The following OPN3 variants were observed in gnomAD, a reference collection of about 807,000 sequenced individuals.
OPN3 encodes opsin 3.
OPN3 carries 29 observed loss-of-function variants against 33.8 expected under a neutral mutation model. That is an observed-to-expected ratio of 0.86 (90% CI 0.64 to 1.17). The LOEUF is 1.17. Ranked by LOEUF, OPN3 falls within the 50% of genes most tolerant of loss-of-function variation. The pLI, the probability that OPN3 is intolerant of heterozygous loss-of-function variation, is 0.00. For synonymous variants in OPN3, 216 were observed against 216.1 expected, an observed-to-expected ratio of 1.00 and a Z score of 0.00; for missense variants, 437 against 514.1, an observed-to-expected ratio of 0.85 and a Z score of 1.45.
intron 1 of OPN3, among the ~76,000 whole-genome samples, chr1:241,615,003 C>T (rs1664088631): frequency 6.6e-6 from 1 of 152,200 alleles, no homozygotes; most frequent in Non-Finnish European, 1.5e-5. Flanking sequence ...ACTTATGCCT[C>T]TGCTCGTCAG....
chr1:241,640,026 G>A lies in OPN3; in HGVS notation c.229C>T (p.His77Tyr), dbSNP rs149732403. 1.2e-4 allele frequency: 190 copies of A among 1,613,354 alleles called. No individual in the cohort carries two copies. The highest frequency in any genetic ancestry group is 1.5e-4 in the Non-Finnish European group (177 of 1,179,728). The stretch of plus-strand genomic sequence containing the variant: ...AGGCTGATGTTGACCAGGAGGAGGT[G>A]AGTGGGAGTGCGGAGCCGCTGGAAC... ...YKFQRLRTPT[H>Y]LLLVNISLSD... The change falls in exon 1 of 4, where the codon CAC becomes TAC. Residue 77 changes from histidine (H) to tyrosine (Y), a missense_variant. Transcript: ENST00000366554.
intron 1 of OPN3, among the ~76,000 whole-genome samples, chr1:241,616,758 C>T (rs910533051): frequency 2.0e-5 from 3 of 152,116 alleles, no homozygotes; most frequent in Non-Finnish European, 2.9e-5. Context: ...GAAATAGCCA[C>T]AGTTGACATT....
At chr1:241,617,553 G>A (rs978171269) in intron 1 of OPN3, among the ~76,000 whole-genome samples, 2 of 152,210 alleles carry the variant, frequency 1.3e-5, no homozygotes, top group Admixed American at 1.3e-4. Context: ...TCAGGGTTTA[G>A]GTTTTAGAGC....
intron 2 of OPN3, 38 bp downstream of exon 2, chr1:241,604,222 G>A (rs369211628): frequency 1.3e-6 from 2 of 1,569,750 alleles, no homozygotes; most frequent in African/African-American, 1.4e-5. Flanking sequence ...TACCCTGGAT[G>A]TGGTTTGGGA....
At chr1:241,620,675 C>T (rs1348078942) in intron 1 of OPN3, among the ~76,000 whole-genome samples, 1 of 152,116 alleles carries the variant, frequency 6.6e-6, no homozygotes, top group African/African-American at 2.4e-5. Flanking sequence ...TGAACTAACA[C>T]ATTAATATAT....
chr1:241,629,796 TTAA>T (rs1573965165), intron 1 of OPN3: 3 of 152,124 alleles, frequency 2.0e-5, no homozygotes, highest in African/African-American at 7.2e-5. Flanking sequence ...CCAGCAGTTA[TTAA>T]TATTTCTTTC....
At chr1:241,630,759 C>T (rs1270509055) in intron 1 of OPN3, 1 of 151,806 alleles carries the variant, frequency 6.6e-6, no homozygotes, top group Non-Finnish European at 1.5e-5. Flanking sequence ...TAAATCATTG[C>T]CAGAGAAATA....
intron 1 of OPN3, among the ~76,000 whole-genome samples, chr1:241,622,768 T>C (rs1255463384): frequency 6.6e-6 from 1 of 152,240 alleles, no homozygotes; most frequent in Non-Finnish European, 1.5e-5. Flanking sequence ...CTGCATCATG[T>C]GCTATTTCTA....
intron 1 of OPN3, among the ~76,000 whole-genome samples, chr1:241,609,919 G>T (rs1663944701): frequency 6.6e-6 from 1 of 152,188 alleles, no homozygotes; most frequent in Non-Finnish European, 1.5e-5. Context: ...GTCCACAGCA[G>T]GGATAGTCCA....
chr1:241,598,337 G>A (rs917043178), intron 2 of OPN3, among the ~76,000 whole-genome samples: 5 of 152,042 alleles, frequency 3.3e-5, no homozygotes, highest in Admixed American at 3.3e-4. Context: ...AGAGAGTCAC[G>A]ATAAAATGCA....
chr1:241,621,622 G>C (rs898654112), intron 1 of OPN3, among the ~76,000 whole-genome samples: 1 of 152,080 alleles, frequency 6.6e-6, no homozygotes, highest in Non-Finnish European at 1.5e-5. Flanking sequence ...AGCTGGGACA[G>C]GTGGGAAAGT....
intron 1 of OPN3, among the ~76,000 whole-genome samples, chr1:241,637,470 G>T (rs1178276697): frequency 6.6e-6 from 1 of 152,168 alleles, no homozygotes; most frequent in Admixed American, 6.5e-5. Context: ...AAGTATGTCT[G>T]AATTACTTAT....
chr1:241,598,542 T>C (rs1239543370), intron 2 of OPN3, among the ~76,000 whole-genome samples: 1 of 152,186 alleles, frequency 6.6e-6, no homozygotes, highest in African/African-American at 2.4e-5. Flanking sequence ...TAAAGTAGAA[T>C]TTCAGGAGAA....
intron 1 of OPN3, among the ~76,000 whole-genome samples, chr1:241,615,363 T>G (rs1445562686): frequency 6.6e-6 from 1 of 152,170 alleles, no homozygotes; most frequent in Non-Finnish European, 1.5e-5. Flanking sequence ...ACACTTAAAA[T>G]TATTTCGTGA....
Position 241,640,266 on chromosome 1 carries a change from G to C in OPN3, c.-12C>G. The C allele has an allele frequency of 8.4e-7, 1 of 1,187,106 alleles. No homozygotes were observed. Among genetic ancestry groups the C allele is most frequent in the Non-Finnish European group, 1.0e-6 (1 of 961,378 alleles). The allele number at this position is 1,187,106 out of a possible 1,614,324, so 73.5% of individuals were successfully genotyped here. ...TTCCCCGAGTACATGGCCCGGCGCC[G>C]GCGCGCCTGGCGGGCGGAGGCGCTC... On this transcript the variant is annotated 5_prime_UTR_variant, in exon 1 of 4. Coordinates refer to ENST00000366554, the MANE Select transcript of OPN3 (RefSeq NM_014322.3).
intron 1 of OPN3, among the ~76,000 whole-genome samples, chr1:241,637,769 GAA>G (rs948864092): frequency 5.9e-5 from 9 of 152,166 alleles, no homozygotes; most frequent in African/African-American, 2.2e-4. Flanking sequence ...AGTGACTTGA[GAA>G]AGCCCGCACA....
At chr1:241,608,984 C>A (rs1382566553) in intron 1 of OPN3, among the ~76,000 whole-genome samples, 1 of 152,182 alleles carries the variant, frequency 6.6e-6, no homozygotes, top group African/African-American at 2.4e-5. Flanking sequence ...AAATTTTGGT[C>A]TTGAGTTGGA....
intron 1 of OPN3, chr1:241,634,341 T>A (rs532140585): frequency 1.2e-6 from 2 of 1,614,046 alleles, no homozygotes; most frequent in African/African-American, 2.7e-5. Context: ...ACTATCAGAA[T>A]GGAAGTCTGC....
chr1:241,630,414 A>C (rs1309617834), intron 1 of OPN3: 1 of 152,074 alleles, frequency 6.6e-6, no homozygotes, highest in Non-Finnish European at 1.5e-5. Context: ...AACCAAACAC[A>C]CTTTTTAAAT....
Sources: allele counts gnomAD v4.1 joint callset (sites outside exome capture counted in the v4.1 genomes callset), GRCh38; gene constraint gnomAD v4.1.1; transcripts MANE v1.5; gene names NCBI Gene and HGNC (gene_info 2026-07-23, HGNC 2026-07-21).